The following CD84 variants were observed in gnomAD, a reference collection of about 807,000 sequenced individuals.
CD84 encodes CD84 molecule.
A neutral mutation model predicts 33.8 loss-of-function variants in CD84; 22 were observed. The observed-to-expected ratio is 0.65, with a 90% CI of 0.46 to 0.93. The LOEUF is 0.93. Among genes scored for constraint, CD84 ranks in the 40% least tolerant of loss-of-function variants. The probability of loss-of-function intolerance (pLI) is 0.00; values close to 1 mark genes in which losing one functional copy is unlikely to be tolerated. For missense variants in CD84, 400 were observed against 397.6 expected, an observed-to-expected ratio of 1.01 and a Z score of -0.05; for synonymous variants, 154 against 145.2, an observed-to-expected ratio of 1.06 and a Z score of -0.44.
At chr1:160,553,638 C>T in intron 3 of CD84, 141 bp from the exon 4 acceptor site, 1 of 1,087,722 alleles carries the variant, frequency 9.2e-7, no homozygotes, top group Non-Finnish European at 1.3e-6. Context: ...ACTAAACTTT[C>T]TGCTATTAAA....
intron 4 of CD84, 135 bp downstream of exon 4, chr1:160,553,243 G>A: frequency 7.4e-7 from 1 of 1,353,822 alleles, no homozygotes; most frequent in Non-Finnish European, 1.0e-6. Context: ...CATTCTGGGA[G>A]GTGGTGGGGT....
intron 1 of CD84, among the ~76,000 whole-genome samples, chr1:160,570,766 A>G (rs1657643356): frequency 6.6e-6 from 1 of 152,120 alleles, no homozygotes; most frequent in Admixed American, 6.6e-5. Context: ...GGAGGCTGAG[A>G]TGAGAGGATC....
chr1:160,561,611 A>T (rs1656971943), intron 2 of CD84, among the ~76,000 whole-genome samples: 1 of 152,102 alleles, frequency 6.6e-6, no homozygotes, highest in Non-Finnish European at 1.5e-5. Context: ...ACAGGACAAG[A>T]ATGCCCTCTT....
rs1454470608 is a variant in CD84 at position 160,542,962 on chromosome 1, A to C, written c.*5294T>G. 1.3e-5 allele frequency: 2 copies of C among 152,176 alleles called. No individual in the cohort carries two copies. The highest frequency in any genetic ancestry group is 2.9e-5 in the Non-Finnish European group (2 of 67,992). 9.4% of individuals were successfully genotyped at this position (152,176 alleles called of 1,614,324 possible). A position where few individuals can be genotyped will look rare whatever the true frequency, so the allele number is the denominator to read the frequency against. Reference sequence around the variant, plus strand: ...GTTCAGCACAATTCCCCAAATTCTTATCTCTTCTTTTGTTTCTGTTATTTT... The same window carrying C: ...GTTCAGCACAATTCCCCAAATTCTTCTCTCTTCTTTTGTTTCTGTTATTTT... On this transcript the variant is annotated 3_prime_UTR_variant, in exon 7 of 7. Coordinates refer to ENST00000368054, the MANE Select transcript of CD84 (RefSeq NM_003874.4).
chr1:160,550,669 A>G (rs1280116238), intron 5 of CD84: 1 of 985,158 alleles, frequency 1.0e-6, no homozygotes, highest in Non-Finnish European at 1.2e-6. Flanking sequence ...GCTCCTAGTC[A>G]TGGCTCATCT....
intron 1 of CD84, 68 bp downstream of exon 1, chr1:160,579,324 C>G (rs560018521): frequency 4.0e-4 from 646 of 1,608,696 alleles, no homozygotes; most frequent in Non-Finnish European, 5.3e-4. Context: ...AGTTCAATGT[C>G]TTCCTTAAGG....
intron 2 of CD84, among the ~76,000 whole-genome samples, chr1:160,554,445 A>G (rs1028257402): frequency 1.5e-4 from 23 of 152,186 alleles, no homozygotes; most frequent in Non-Finnish European, 2.9e-4. Context: ...AAAATCAGCC[A>G]TGGTAGGAGT....
In CD84 at chr1:160,551,012, A is replaced by G. The variant is rs912104476; in HGVS notation, c.784T>C (p.Tyr262His). The change falls in exon 5 of 7, where the codon TAC (tyrosine) becomes CAC (histidine). Residue 262 changes from tyrosine to histidine, a missense_variant. Tyr to His is a moderately conservative substitution (Grantham distance 83, BLOSUM62 2). Coordinates refer to ENST00000368054, the MANE Select transcript of CD84 (RefSeq NM_003874.4). The part of the protein sequence containing the change: ...RQDAASKKTI[Y>H]TYIMASRNTQ... ...TTCCTTGAAGCCATGATATATGTGT[A>G]TATGGTTTTCTTTGAGGCAGCATCT... 6.2e-7 allele frequency: 1 copy of G among 1,613,940 alleles called. No individual in the cohort carries two copies. Among genetic ancestry groups the G allele is most frequent in the African/African-American group, 1.3e-5 (1 of 75,044 alleles).
chr1:160,550,338 C>T (rs1656123450), intron 5 of CD84, among the ~76,000 whole-genome samples: 1 of 151,940 alleles, frequency 6.6e-6, no homozygotes, highest in Admixed American at 6.5e-5. Context: ...ACCAGGCAGA[C>T]CTCAGTCTCC....
chr1:160,549,375 T>C (rs1353029950), intron 6 of CD84, among the ~76,000 whole-genome samples: 1 of 152,154 alleles, frequency 6.6e-6, no homozygotes, highest in Non-Finnish European at 1.5e-5. Flanking sequence ...ATCCCCAAAA[T>C]TTAAAGTCCT....
chr1:160,553,069 G>T, intron 4 of CD84: 1 of 565,454 alleles, frequency 1.8e-6, no homozygotes, highest in Non-Finnish European at 3.2e-6. Context: ...TTTCACATGT[G>T]AGGGCCCTGA....
chr1:160,552,717 T>A, intron 4 of CD84: 1 of 1,548,200 alleles, frequency 6.5e-7, no homozygotes, highest in Non-Finnish European at 8.7e-7. Context: ...GGGTTCTTAG[T>A]GAAGGTGTTC....
chr1:160,566,816 G>A (rs1225466724), intron 1 of CD84, among the ~76,000 whole-genome samples: 1 of 152,156 alleles, frequency 6.6e-6, no homozygotes, highest in Non-Finnish European at 1.5e-5. Context: ...CTTTTAAAAT[G>A]TAACATGGGA....
At chr1:160,550,051 C>T in intron 5 of CD84, 72 bp from the exon 6 acceptor site, 1 of 1,035,112 alleles carries the variant, frequency 9.7e-7, no homozygotes, top group Non-Finnish European at 1.5e-6. Context: ...CTAATTCTGC[C>T]TCTACCCACC....
intron 1 of CD84, among the ~76,000 whole-genome samples, chr1:160,575,416 G>C (rs115584335): frequency 5.9e-5 from 9 of 151,940 alleles, no homozygotes; most frequent in African/African-American, 1.2e-4. Context: ...CCATGCAATA[G>C]TACATTGTTT....
At chr1:160,557,617 A>T (rs1409587807) in intron 2 of CD84, among the ~76,000 whole-genome samples, 1 of 152,272 alleles carries the variant, frequency 6.6e-6, no homozygotes, top group Non-Finnish European at 1.5e-5. Context: ...CCCAAAAGAA[A>T]TGTAATGTGA....
chr1:160,575,183 G>A (rs1553459), intron 1 of CD84, among the ~76,000 whole-genome samples: 5,717 of 152,118 alleles, frequency 0.038, 178 homozygotes, highest in African/African-American at 0.075. Flanking sequence ...GTCAAAAAGT[G>A]GGGGTGGAAC....
intron 2 of CD84, among the ~76,000 whole-genome samples, chr1:160,555,392 T>C (rs931501561): frequency 2.6e-5 from 4 of 152,158 alleles, no homozygotes; most frequent in Non-Finnish European, 4.4e-5. Context: ...CAAAATAATC[T>C]TTAAAATTTT....
chr1:160,552,699 A>T (rs1423732833), intron 4 of CD84: 2 of 1,544,722 alleles, frequency 1.3e-6, no homozygotes, highest in Admixed American at 3.9e-5. Context: ...GTGGCTGAGA[A>T]CTTACAAGGG....
Sources: gnomAD v4.1 joint callset for allele counts (sites outside exome capture counted in the v4.1 genomes callset) on GRCh38, gnomAD v4.1.1 for gene constraint, MANE v1.5 for transcripts, NCBI Gene and HGNC (gene_info 2026-07-23, HGNC 2026-07-21) for gene names.